Variants in ANK2 observed in about 807,000 individuals in gnomAD.
The protein encoded by ANK2 is ankyrin 2.
Under a neutral mutation model 360.5 loss-of-function variants are expected in ANK2, and 83 were observed. The ratio of observed to expected loss-of-function variants is 0.23; its 90% CI spans 0.19 to 0.28. The LOEUF is 0.28. Ranked by LOEUF, ANK2 falls within the 10% of genes least tolerant of loss-of-function variation. The pLI, the probability that ANK2 is intolerant of heterozygous loss-of-function variation, is 1.00. For synonymous variants in ANK2, 1,740 were observed against 1,759.5 expected (o/e 0.99, Z 0.28); for missense variants, 4,201 against 4,795.7 (o/e 0.88, Z 3.66).
intron 2 of ANK2, among the ~76,000 whole-genome samples, chr4:113,024,458 A>G (rs1035079050): frequency 6.6e-6 from 1 of 152,168 alleles, no homozygotes; most frequent in African/African-American, 2.4e-5. Flanking sequence ...ATTTTCCTTG[A>G]TCTACAAAAA....
At chr4:113,046,799 T>C (rs1015675587), upstream of ANK2, among the ~76,000 whole-genome samples, 2 of 152,122 alleles carry the variant, frequency 1.3e-5, no homozygotes, top group Admixed American at 6.5e-5. Flanking sequence ...GAAGCCAAAA[T>C]CTGAGAATTT....
chr4:112,826,809 A>T lies in ANK2; in HGVS notation c.-40+8545A>T, dbSNP rs111448294. The T allele has an allele frequency of 1.2e-3, 1,443 of 1,159,966 alleles. 10 individuals are homozygous for T. The African/African-American group carries it at 0.02, about 16-fold the overall frequency. The allele number at this position is 1,159,966 out of a possible 1,614,324, so 71.9% of individuals were successfully genotyped here. A position where few individuals can be genotyped will look rare whatever the true frequency, so the allele number is the denominator to read the frequency against. On this transcript the variant is annotated intron_variant, in intron 1 of 30. Transcript: ENST00000503271. ...AATTCTGTTGCTTCAAGCATCTTCT[A>T]CTCAAAAAAATAAAGTAAAAGAGAA... is the stretch of plus-strand genomic sequence containing the variant.
rs767713191 is a variant in ANK2, at chr4:113,356,321, G to T, written c.7703G>T (p.Cys2568Phe). ...STPKPAVIHE[C>F]AEEDDSENGE... is the part of the protein sequence containing the mutation. ...CCAAAACCAGCTGTGATTCATGAAT[G>T]TGCAGAGGAGGATGATTCAGAAAAC... Residue 2568 changes from cysteine (C) to phenylalanine (F), a missense_variant, in exon 38 of 46, where the codon TGT becomes TTT. Transcript: ENST00000357077. 1.9e-6 allele frequency: 3 copies of T among 1,614,158 alleles called. No homozygotes were observed. The South Asian group carries it at 3.3e-5, about 18-fold the overall frequency.
At chr4:112,806,139 T>C in the ANK2 span, among the ~76,000 whole-genome samples, 23 of 152,290 alleles carry the variant, frequency 1.5e-4, no homozygotes, top group African/African-American at 4.1e-4. Flanking sequence ...TATTGTGTTA[T>C]CAAAACTAGA....
Position 113,134,811 on chromosome 4 carries a change from T to C in ANK2, c.85-39605T>C, listed in dbSNP as rs530310970. Among the ~76,000 whole-genome samples the C allele has an allele frequency of 4.6e-5, 7 of 152,334 alleles. No individual in the cohort carries two copies. In the East Asian group the frequency reaches 1.3e-3, roughly 29 times the overall value. On this transcript the variant is annotated intron_variant, in intron 1 of 45. Transcript: ENST00000357077. The stretch of plus-strand genomic sequence containing the variant: ...AATATTATATGACCTTTGTATTTAG[T>C]AAAACTTGACAAAATCAGATTAGAA...
At chr4:113,334,995 T>G (rs540280855) in intron 29 of ANK2, among the ~76,000 whole-genome samples, 2 of 152,016 alleles carry the variant, frequency 1.3e-5, no homozygotes, top group African/African-American at 4.8e-5. Flanking sequence ...TGCCCAATAA[T>G]CAAGAAAAAC....
intron 2 of ANK2, among the ~76,000 whole-genome samples, chr4:112,996,277 G>A (rs1418185024): frequency 6.6e-6 from 1 of 152,066 alleles, no homozygotes; most frequent in African/African-American, 2.4e-5. Flanking sequence ...ATGGGAGCAG[G>A]GAGGGCCAGT....
chr4:112,742,576 G>C, the ANK2 span, among the ~76,000 whole-genome samples: 3 of 152,014 alleles, frequency 2.0e-5, no homozygotes, highest in East Asian at 5.8e-4. Flanking sequence ...TGCAAATAGA[G>C]GAATAATCAG....
At chr4:113,097,972 A>T (rs2091943753) in intron 1 of ANK2, among the ~76,000 whole-genome samples, 1 of 150,836 alleles carries the variant, frequency 6.6e-6, no homozygotes, top group South Asian at 2.1e-4. Flanking sequence ...AAATAAAATG[A>T]TAAAGTCTAA....
rs2095570252 is a variant in ANK2 at position 113,353,906 on chromosome 4, T to C, written c.5288T>C (p.Ile1763Thr). 1 of 1,614,052 alleles carries C rather than the reference T, an allele frequency of 6.2e-7. No homozygotes were observed. The change falls in exon 38 of 46, where the codon ATT (isoleucine) becomes ACT (threonine). Residue 1763 changes from isoleucine to threonine, a missense_variant. By Grantham distance (89) the Ile-to-Thr change is moderately conservative. Around this residue, in one of 4 missense-constraint regions of ANK2, gnomAD observed 2,642 missense variants for 2,714.5 expected, o/e 0.97. Coordinates refer to ENST00000357077, the MANE Select transcript of ANK2 (RefSeq NM_001148.6). ...ATSPLIEETP[I>T]GSIKDKVKAL... ...TCTCCTTTGATAGAAGAAACTCCCA[T>C]TGGTTCCATAAAGGACAAAGTAAAG...
chr4:112,885,249 C>T (rs2077933433), intron 1 of ANK2, among the ~76,000 whole-genome samples: 1 of 152,080 alleles, frequency 6.6e-6, no homozygotes, highest in Non-Finnish European at 1.5e-5. Flanking sequence ...GCCTGTAATC[C>T]CAGCACTTTG....
At chr4:112,945,663 A>G (rs1337410153) in intron 2 of ANK2, among the ~76,000 whole-genome samples, 1 of 152,224 alleles carries the variant, frequency 6.6e-6, no homozygotes, top group Non-Finnish European at 1.5e-5. Flanking sequence ...GAGTACATTG[A>G]CAGACACAGG....
At chr4:112,874,859 C>T (rs1293353555) in intron 1 of ANK2, among the ~76,000 whole-genome samples, 2 of 152,062 alleles carry the variant, frequency 1.3e-5, no homozygotes, top group Non-Finnish European at 2.9e-5. Context: ...ATCCCCGGGG[C>T]GTAGAGCAAT....
intron 1 of ANK2, among the ~76,000 whole-genome samples, chr4:112,869,134 T>G (rs762889896): frequency 3.9e-5 from 6 of 152,004 alleles, no homozygotes; most frequent in Non-Finnish European, 8.8e-5. Context: ...TAATTTAAAA[T>G]TTTTTATTAT....
intron 3 of ANK2, 145 bp downstream of exon 3, chr4:113,196,611 T>C: frequency 3.9e-6 from 3 of 775,390 alleles, no homozygotes; most frequent in East Asian, 5.5e-5. Context: ...CACCGAAACC[T>C]CCACCTCCTG....
the ANK2 span, among the ~76,000 whole-genome samples, chr4:112,794,306 G>A: frequency 6.6e-6 from 1 of 152,184 alleles, no homozygotes. Context: ...GTAAGGATTT[G>A]ATGTCCTTAA....
At chr4:112,922,835 C>A (rs375773725) in intron 2 of ANK2, among the ~76,000 whole-genome samples, 1 of 152,140 alleles carries the variant, frequency 6.6e-6, no homozygotes, top group Non-Finnish European at 1.5e-5. Flanking sequence ...GTCACTGATA[C>A]CAACCTAGCA....
chr4:112,817,858 G>T (rs1371520053), upstream of ANK2, among the ~76,000 whole-genome samples: 3 of 152,060 alleles, frequency 2.0e-5, no homozygotes, highest in African/African-American at 7.2e-5. Flanking sequence ...ACAAATTCAA[G>T]TGCTTTTCTT....
intron 4 of ANK2, among the ~76,000 whole-genome samples, chr4:113,212,147 A>G (rs2099030256): frequency 6.6e-6 from 1 of 152,206 alleles, no homozygotes; most frequent in Non-Finnish European, 1.5e-5. Flanking sequence ...CCTATGTACC[A>G]AAAGTGATTT....
Sources: gnomAD v4.1 joint callset for allele counts (sites outside exome capture counted in the v4.1 genomes callset) on GRCh38, gnomAD v4.1.1 for gene constraint, gnomAD v4.1.1 regional missense constraint, MANE v1.5 for transcripts, NCBI Gene and HGNC (gene_info 2026-07-23, HGNC 2026-07-21) for gene names.